Variants in EPHA5 observed in about 807,000 individuals in gnomAD.
EPHA5 encodes the protein EPH receptor A5, also known as ephrin type-A receptor 5.
EPHA5 carries 60 observed loss-of-function variants against 105.0 expected under a neutral mutation model. The observed-to-expected ratio is 0.57, with a 90% CI of 0.46 to 0.71. EPHA5 has a LOEUF of 0.71. EPHA5 is among the 30% of genes least tolerant of loss of function. The probability of loss-of-function intolerance (pLI) is 0.00; values close to 1 mark genes in which losing one functional copy is unlikely to be tolerated. For missense variants in EPHA5, 1,218 were observed against 1,274.7 expected, an observed-to-expected ratio of 0.96 and a Z score of 0.68; for synonymous variants, 513 against 449.1, an observed-to-expected ratio of 1.14 and a Z score of -1.80.
Position 65,365,048 on chromosome 4 carries a change from G to C in EPHA5, c.2142C>G (p.Asn714Lys), listed in dbSNP as rs2148887934. Residue 714 changes from asparagine (N) to lysine (K), a missense_variant, in exon 11 of 17, where the codon AAC (asparagine) becomes AAG (lysine). Asn to Lys is a moderately conservative substitution (Grantham distance 94). Transcript: ENST00000613740. ...ASIMGQFDHP[N>K]IIHLEGVVTK... ...TCACCACACCTTCTAAATGGATGAT[G>C]TTAGGATGATCAAACTGTCCCATGA... The C allele has an allele frequency of 6.2e-7, 1 of 1,611,472 alleles. No individual in the cohort carries two copies. Among genetic ancestry groups the C allele is most frequent in the Non-Finnish European group, 8.5e-7 (1 of 1,178,224 alleles).
chr4:65,463,068 A>G (rs1728274981), intron 5 of EPHA5, among the ~76,000 whole-genome samples: 1 of 152,204 alleles, frequency 6.6e-6, no homozygotes, highest in Non-Finnish European at 1.5e-5. Flanking sequence ...AAAGGTAAGT[A>G]TGTAGTACAC....
intron 8 of EPHA5, among the ~76,000 whole-genome samples, chr4:65,394,380 T>C (rs1721008748): frequency 6.6e-6 from 1 of 152,196 alleles, no homozygotes; most frequent in Admixed American, 6.5e-5. Context: ...ACGTCAGAGC[T>C]GGGTTCATGG....
intron 14 of EPHA5, among the ~76,000 whole-genome samples, chr4:65,339,876 T>C (rs1721542929): frequency 1.3e-5 from 2 of 152,228 alleles, no homozygotes; most frequent in South Asian, 2.1e-4. Context: ...CACACAGACA[T>C]GGGGAGAACC....
intron 8 of EPHA5, among the ~76,000 whole-genome samples, chr4:65,383,749 AT>A (rs1719815495): frequency 6.6e-6 from 1 of 151,770 alleles, no homozygotes; most frequent in Non-Finnish European, 1.5e-5. Flanking sequence ...ACACTTGGAC[AT>A]CTCTTCTTCT....
chr4:65,324,132 G>A lies in EPHA5; in HGVS notation c.3033C>T (p.Asn1011=), dbSNP rs777006749. ...CATGAAGTTACAATGGCACCATTCCGTTTACCAGCTGCACCTTCATTTCTT... is the reference window on the plus strand; with the variant it reads ...CATGAAGTTACAATGGCACCATTCCATTTACCAGCTGCACCTTCATTTCTT... ...SLQEMKVQLV[N]GMVPL Residue 1011 remains asparagine (N), a synonymous_variant, in exon 17 of 17, where the codon AAC becomes AAT. Coordinates refer to ENST00000613740, the MANE Select transcript of EPHA5 (RefSeq NM_001281766.3). 1.2e-5 allele frequency: 19 copies of A among 1,607,970 alleles called. No homozygotes were observed. The Admixed American group carries it at 1.5e-4, about 13-fold the overall frequency.
intron 3 of EPHA5, among the ~76,000 whole-genome samples, chr4:65,503,248 G>T (rs1732671153): frequency 6.6e-6 from 1 of 151,756 alleles, no homozygotes; most frequent in South Asian, 2.1e-4. Context: ...CAACAAACCT[G>T]TACATGTAAC....
intron 2 of EPHA5, among the ~76,000 whole-genome samples, chr4:65,642,459 T>C (rs1419005910): frequency 6.6e-6 from 1 of 152,210 alleles, no homozygotes; most frequent in South Asian, 2.1e-4. Context: ...CTTACCTTTA[T>C]GTTCTATTAT....
At chr4:65,627,439 C>T (rs1293638882) in intron 2 of EPHA5, among the ~76,000 whole-genome samples, 3 of 152,056 alleles carry the variant, frequency 2.0e-5, no homozygotes, top group South Asian at 4.1e-4. Flanking sequence ...ACCCTTTTGG[C>T]TTAACACATT....
At chr4:65,550,715 A>G (rs1737813616) in intron 3 of EPHA5, among the ~76,000 whole-genome samples, 1 of 152,128 alleles carries the variant, frequency 6.6e-6, no homozygotes, top group South Asian at 2.1e-4. Flanking sequence ...GCGCGCCTAT[A>G]GTCCCAGCTA....
At chr4:65,560,994 T>TA (rs1738952226) in intron 3 of EPHA5, among the ~76,000 whole-genome samples, 1 of 152,006 alleles carries the variant, frequency 6.6e-6, no homozygotes, top group Admixed American at 6.6e-5. Context: ...TTGTCTAGAA[T>TA]AAAAATCTCA....
chr4:65,591,943 TAATA>T (rs1742705792), intron 3 of EPHA5, among the ~76,000 whole-genome samples: 1 of 152,136 alleles, frequency 6.6e-6, no homozygotes, highest in Non-Finnish European at 1.5e-5. Context: ...ATTTCTTACC[TAATA>T]AAAAACTGAA....
intron 5 of EPHA5, among the ~76,000 whole-genome samples, chr4:65,460,894 ATT>A (rs1728060516): frequency 6.6e-6 from 1 of 151,714 alleles, no homozygotes; most frequent in South Asian, 2.1e-4. Flanking sequence ...TAGTTTAATG[ATT>A]TTTCTTACAG....
intron 3 of EPHA5, among the ~76,000 whole-genome samples, chr4:65,530,933 A>C (rs781690915): frequency 6.6e-6 from 1 of 152,190 alleles, no homozygotes; most frequent in Non-Finnish European, 1.5e-5. Context: ...TATAAGTGAA[A>C]GTATAATAGT....
intron 1 of EPHA5, 93 bp from the exon 2 acceptor site, chr4:65,643,520 T>C: frequency 1.9e-6 from 2 of 1,034,424 alleles, no homozygotes; most frequent in Non-Finnish European, 2.9e-6. Context: ...TGCATGTTGT[T>C]TACATAACTG....
chr4:65,459,097 T>C (rs1327798716), intron 5 of EPHA5, among the ~76,000 whole-genome samples: 2 of 152,090 alleles, frequency 1.3e-5, no homozygotes, highest in Admixed American at 6.5e-5. Flanking sequence ...TGAATTATTA[T>C]GTTTCTTTCC....
intron 5 of EPHA5, among the ~76,000 whole-genome samples, chr4:65,435,594 T>C (rs1029473357): frequency 7.2e-5 from 11 of 152,206 alleles, no homozygotes; most frequent in African/African-American, 2.6e-4. Context: ...GTCTAGATGT[T>C]GCACTGTCTT....
chr4:65,576,203 A>G (rs1335545590), intron 3 of EPHA5, among the ~76,000 whole-genome samples: 1 of 152,100 alleles, frequency 6.6e-6, no homozygotes, highest in African/African-American at 2.4e-5. Context: ...AAATAAATGC[A>G]GAAAATTGAT....
chr4:65,386,455 A>C (rs1488067877), intron 8 of EPHA5, among the ~76,000 whole-genome samples: 1 of 151,938 alleles, frequency 6.6e-6, no homozygotes, highest in Admixed American at 6.6e-5. Flanking sequence ...AAAAATATTC[A>C]TATGCATTGA....
intron 5 of EPHA5, among the ~76,000 whole-genome samples, chr4:65,476,401 C>T (rs1419431774): frequency 6.6e-6 from 1 of 151,826 alleles, no homozygotes; most frequent in Non-Finnish European, 1.5e-5. Context: ...CACTACACAG[C>T]CACAAAAAAA....
Sources: gnomAD v4.1 joint callset for allele counts (sites outside exome capture counted in the v4.1 genomes callset) on GRCh38, gnomAD v4.1.1 for gene constraint, MANE v1.5 for transcripts, NCBI Gene and HGNC (gene_info 2026-07-23, HGNC 2026-07-21) for gene names.